DNAJA1: variants seen among roughly 807,000 people sequenced by gnomAD.
DNAJA1 encodes the protein dnaJ homolog subfamily A member 1.
In DNAJA1, 26 loss-of-function variants were observed where a neutral mutation model predicts 47.6. The observed-to-expected ratio is 0.55, with a 90% CI of 0.40 to 0.76. The LOEUF (loss-of-function observed/expected upper bound fraction) is 0.76. Among genes scored for constraint, DNAJA1 ranks in the 30% least tolerant of loss-of-function variants. DNAJA1 has a pLI of 0.00. For missense variants in DNAJA1, 315 were observed against 485.0 expected, an observed-to-expected ratio of 0.65 and a Z score of 3.29; for synonymous variants, 165 against 158.4, an observed-to-expected ratio of 1.04 and a Z score of -0.31.
chr9:33,026,417 CT>C, intron 1 of DNAJA1, 57 bp from the exon 2 acceptor site: 3 of 1,565,348 alleles, frequency 1.9e-6, no homozygotes, highest in Middle Eastern at 1.8e-4. Context: ...CCTTAGCTCT[CT>C]TTTTTATTAA....
At chr9:33,030,713 A>C in intron 5 of DNAJA1, 46 bp downstream of exon 5, 1 of 1,439,660 alleles carries the variant, frequency 6.9e-7, no homozygotes, top group Non-Finnish European at 9.6e-7. Flanking sequence ...GCTGTGGCAG[A>C]TTTATTATTA....
At chr9:33,027,127 T>C in intron 3 of DNAJA1, 137 bp downstream of exon 3, 1 of 1,074,626 alleles carries the variant, frequency 9.3e-7, no homozygotes, top group Non-Finnish European at 1.3e-6. Flanking sequence ...TGCCTCTGAT[T>C]TATGGTGTCG....
intron 3 of DNAJA1, among the ~76,000 whole-genome samples, chr9:33,028,357 ATGTTC>A: frequency 6.6e-6 from 1 of 152,338 alleles, no homozygotes. Context: ...TAGGAGTAAA[ATGTTC>A]AAGAGAAATC....
In DNAJA1 at chr9:33,039,512, T is replaced by G. The variant is rs1839086405; in HGVS notation, c.*609T>G. ...TCTTGAAGGCTTGCACTTCCAGAAT[T>G]GTGTTTCCTTCTGCTGTGCCATTCA... On this transcript the variant is annotated 3_prime_UTR_variant, in exon 9 of 9. Coordinates refer to ENST00000330899, the MANE Select transcript of DNAJA1 (RefSeq NM_001539.4). 6.9e-6 allele frequency: 1 copy of G among 145,514 alleles called. No individual in the cohort carries two copies. The highest frequency in any genetic ancestry group is 1.5e-5 in the Non-Finnish European group (1 of 65,242). 9.0% of individuals were successfully genotyped at this position (145,514 alleles called of 1,614,324 possible).
intron 7 of DNAJA1, 122 bp from the exon 8 acceptor site, chr9:33,036,893 A>C: frequency 2.2e-6 from 2 of 921,790 alleles, no homozygotes; most frequent in Non-Finnish European, 3.3e-6. Flanking sequence ...AGGTAACAGG[A>C]TTGCTTTGCC....
At chr9:33,036,984 T>G (rs1242003333) in intron 7 of DNAJA1, 31 bp from the exon 8 acceptor site, 2 of 1,584,564 alleles carry the variant, frequency 1.3e-6, no homozygotes, top group Non-Finnish European at 1.7e-6. Flanking sequence ...GTGACCATAC[T>G]TAAGGAAGAA....
intron 6 of DNAJA1, among the ~76,000 whole-genome samples, chr9:33,034,600 G>A (rs930680368): frequency 2.0e-5 from 3 of 151,064 alleles, no homozygotes; most frequent in African/African-American, 4.8e-5. Context: ...AAACATCCCT[G>A]GACAAAAATT....
Position 33,039,086 on chromosome 9 carries a change from T to TGCAA in DNAJA1, c.*184_*185insCAAG. 1.6e-6 allele frequency: 1 copy of TGCAA among 616,702 alleles called. No homozygotes were observed. The highest frequency in any genetic ancestry group is 2.8e-6 in the Non-Finnish European group (1 of 358,494). 38.2% of individuals were successfully genotyped at this position (616,702 alleles called of 1,614,324 possible). A position where few individuals can be genotyped will look rare whatever the true frequency, so the allele number is the denominator to read the frequency against. On this transcript the variant is annotated 3_prime_UTR_variant, in exon 9 of 9. Coordinates refer to ENST00000330899, the MANE Select transcript of DNAJA1 (RefSeq NM_001539.4). Reference sequence around the variant, plus strand: ...AAGCTCTGATTTTGCCCTGTATGTATGATGACTTCAGTGTGCAAGATGAAG... The same window carrying TGCAA: ...AAGCTCTGATTTTGCCCTGTATGTATGCAAGATGACTTCAGTGTGCAAGATGAAG...
rs113298350 is a variant in DNAJA1, at chr9:33,036,062, C to T, written c.759-512C>T. ...GATTCAAGTGATTCTCCTGCCTCAG[C>T]CTCCCGAGTAGCTGGAACTACAGGT... On this transcript the variant is annotated intron_variant, in intron 6 of 8. Transcript: ENST00000330899. 412 of 152,520 alleles carry T rather than the reference C, an allele frequency of 2.7e-3. 8 individuals carry two copies. The highest frequency in any genetic ancestry group is 9.4e-3 in the African/African-American group (389 of 41,522). 9.4% of individuals were successfully genotyped at this position (152,520 alleles called of 1,614,324 possible).
rs750955525 is a variant in DNAJA1 at position 33,030,429 on chromosome 9, T to A, written c.416-11T>A. The stretch of plus-strand genomic sequence containing the variant: ...AATTCATACATTATTTAATTTTCTT[T>A]TTAAATTTAGGTAGAGGAGGTAAGA... On this transcript the variant is annotated splice_polypyrimidine_tract_variant and intron_variant, in intron 4 of 8. Coordinates refer to ENST00000330899, the MANE Select transcript of DNAJA1 (RefSeq NM_001539.4). The A allele has an allele frequency of 1.2e-6, 2 of 1,605,294 alleles. No individual in the cohort carries two copies. The highest frequency in any genetic ancestry group is 2.3e-5 in the East Asian group (1 of 44,176).
At position 33,038,752 on chromosome 9, in the gene DNAJA1, A is replaced by G; in HGVS notation, c.1043A>G (p.Glu348Gly). 6.2e-7 allele frequency: 1 copy of G among 1,614,144 alleles called. No homozygotes were observed. ...KLSLLEKLLP[E>G]RKEVEETDEM... ...TCTTTGCTGGAAAAACTCCTACCCG[A>G]GAGGAAGGAAGTGGAAGAGACTGAT... The change falls in exon 9 of 9, where the codon GAG becomes GGG. Residue 348 changes from glutamate (E) to glycine (G), a missense_variant. Around this residue, in one of 4 missense-constraint regions of DNAJA1, gnomAD observed 162 missense variants for 185.4 expected, o/e 0.87. Coordinates refer to ENST00000330899, the MANE Select transcript of DNAJA1 (RefSeq NM_001539.4).
chr9:33,030,649 G>A lies in DNAJA1; in HGVS notation c.625G>A (p.Glu209Lys). Residue 209 changes from glutamate to lysine, a missense_variant, in exon 5 of 9, where the codon GAA (glutamate) becomes AAA (lysine). This residue lies in a region of DNAJA1 where 45 missense variants were observed against 93.3 expected (regional missense o/e 0.48). Coordinates refer to ENST00000330899, the MANE Select transcript of DNAJA1 (RefSeq NM_001539.4). ...GATAGTTCGAGAGAAGAAAATTTTA[G>A]AAGTTCATATTGACAAAGGTGAGTT... ...RKIVREKKILEVHIDKGMKDG... is the reference protein window; with the variant it reads ...RKIVREKKILKVHIDKGMKDG... 6.2e-7 allele frequency: 1 copy of A among 1,612,724 alleles called. No homozygotes were observed. The highest frequency in any genetic ancestry group is 8.5e-7 in the Non-Finnish European group (1 of 1,179,402).
chr9:33,027,141 T>C (rs1415493418), intron 3 of DNAJA1, 151 bp downstream of exon 3: 1 of 959,796 alleles, frequency 1.0e-6, no homozygotes, highest in Non-Finnish European at 1.5e-6. Context: ...GGTGTCGTGT[T>C]TTTTTGTTGT....
chr9:33,035,498 T>G (rs1362616047), intron 6 of DNAJA1, among the ~76,000 whole-genome samples: 3 of 152,174 alleles, frequency 2.0e-5, no homozygotes, highest in Non-Finnish European at 2.9e-5. Flanking sequence ...AGATGCAGTT[T>G]CGCTCAACAG....
intron 5 of DNAJA1, among the ~76,000 whole-genome samples, chr9:33,032,029 A>C (rs2119387331): frequency 6.6e-6 from 1 of 152,368 alleles, no homozygotes; most frequent in African/African-American, 2.4e-5. Context: ...CCCCAGAAGG[A>C]AACTTAAGTC....
intron 3 of DNAJA1, among the ~76,000 whole-genome samples, chr9:33,027,921 G>A (rs1838898916): frequency 6.6e-6 from 1 of 151,226 alleles, no homozygotes; most frequent in African/African-American, 2.4e-5. Context: ...TTACTCAGGA[G>A]GGCTGAAGCA....
At chr9:33,034,869 C>T (rs1246208611) in intron 6 of DNAJA1, among the ~76,000 whole-genome samples, 1 of 152,022 alleles carries the variant, frequency 6.6e-6, no homozygotes, top group African/African-American at 2.4e-5. Flanking sequence ...ATAACACCCT[C>T]TGTGCATGCT....
At chr9:33,031,285 A>G (rs2119385711) in intron 5 of DNAJA1, among the ~76,000 whole-genome samples, 1 of 152,106 alleles carries the variant, frequency 6.6e-6, no homozygotes, top group South Asian at 2.1e-4. Context: ...TTTAGTAGAG[A>G]CGGGGTTTCA....
Position 33,039,561 on chromosome 9 carries a change from A to ATATATATATATATATATATATAT in DNAJA1, c.*658_*659insTATATATATATATATATATATAT, listed in dbSNP as rs74178844. The ATATATATATATATATATATATAT allele has an allele frequency of 8.4e-4, 119 of 141,996 alleles. 1 individual carries two copies. The highest frequency in any genetic ancestry group is 3.6e-3 in the Middle Eastern group (1 of 276). 8.8% of individuals were successfully genotyped at this position (141,996 alleles called of 1,614,324 possible). ...CATATATATATACATATATATATAT[A>ATATATATATATATATATATATAT]ATCTTGACCAGTCCTGGTCATTTGC... is the stretch of plus-strand genomic sequence containing the variant. On this transcript the variant is annotated 3_prime_UTR_variant, in exon 9 of 9. Transcript: ENST00000330899.
Sources: allele counts gnomAD v4.1 joint callset (sites outside exome capture counted in the v4.1 genomes callset), GRCh38; gene constraint gnomAD v4.1.1; regional missense constraint gnomAD v4.1.1; transcripts MANE v1.5; gene names NCBI Gene and HGNC (gene_info 2026-07-23, HGNC 2026-07-21).